Variants in FLI1 observed in about 807,000 individuals in gnomAD.
FLI1 encodes the protein Friend leukemia integration 1 transcription factor.
Under a neutral mutation model 53.1 loss-of-function variants are expected in FLI1, and 13 were observed. That is an observed-to-expected ratio of 0.24 (90% CI 0.16 to 0.39). FLI1 has a LOEUF of 0.39. Ranked by LOEUF, FLI1 falls within the 10% of genes least tolerant of loss-of-function variation. The pLI is 1.00. For missense variants in FLI1, 424 were observed against 600.5 expected (o/e 0.71, Z 3.07); for synonymous variants, 244 against 236.7 (o/e 1.03, Z -0.28).
chr11:128,711,098 T>C (rs1168928825), intron 1 of FLI1, among the ~76,000 whole-genome samples: 1 of 152,228 alleles, frequency 6.6e-6, no homozygotes, highest in Non-Finnish European at 1.5e-5. Context: ...GAGTGGCTAT[T>C]GAGTATTTGA....
At chr11:128,768,021 T>C (rs908805441) in intron 2 of FLI1, 97 bp from the exon 3 acceptor site, 1 of 1,101,628 alleles carries the variant, frequency 9.1e-7, no homozygotes, top group Non-Finnish European at 1.3e-6. Flanking sequence ...AATGGCTCCA[T>C]GCTCATCATC....
At chr11:128,775,566 T>A (rs560861508) in intron 4 of FLI1, among the ~76,000 whole-genome samples, 1 of 152,330 alleles carries the variant, frequency 6.6e-6, no homozygotes, top group East Asian at 1.9e-4. Flanking sequence ...GGGCTGGCGA[T>A]CGTGTCTGCT....
intron 1 of FLI1, among the ~76,000 whole-genome samples, chr11:128,720,829 G>A (rs938696315): frequency 2.0e-5 from 3 of 152,154 alleles, no homozygotes; most frequent in African/African-American, 4.8e-5. Context: ...AGGGTCAGCC[G>A]GGCTCCTTGT....
At chr11:128,756,110 G>A (rs139785760) in intron 1 of FLI1, among the ~76,000 whole-genome samples, 1 of 152,322 alleles carries the variant, frequency 6.6e-6, no homozygotes, top group Non-Finnish European at 1.5e-5. Context: ...TTTAACAAGT[G>A]CTGTTCACCT....
At chr11:128,803,489 C>A (rs1260762305) in intron 5 of FLI1, among the ~76,000 whole-genome samples, 1 of 152,188 alleles carries the variant, frequency 6.6e-6, no homozygotes, top group East Asian at 1.9e-4. Flanking sequence ...CTACCTGATG[C>A]ACTCTCCCCT....
At chr11:128,760,144 G>T (rs144484004) in intron 2 of FLI1, among the ~76,000 whole-genome samples, 1 of 152,162 alleles carries the variant, frequency 6.6e-6, no homozygotes, top group Non-Finnish European at 1.5e-5. Flanking sequence ...CCTAACAGTC[G>T]AAGGACATGG....
intron 5 of FLI1, chr11:128,803,818 A>G (rs1942701195): frequency 6.6e-6 from 1 of 152,252 alleles, no homozygotes; most frequent in Admixed American, 6.5e-5. Context: ...GAAAATGCCC[A>G]TCAGAGCCTT....
At chr11:128,759,255 C>T (rs1036332547) in intron 2 of FLI1, among the ~76,000 whole-genome samples, 1 of 152,110 alleles carries the variant, frequency 6.6e-6, no homozygotes. Flanking sequence ...AACAGAGGGC[C>T]CTGAATGGCA....
Position 128,810,896 on chromosome 11 carries a change from T to C in FLI1, c.1267T>C (p.Trp423Arg), listed in dbSNP as rs1243527409. Reference protein sequence around the residue: ...SSFFGAASQYWTSPTGGIYPN... With the variant: ...SSFFGAASQYRTSPTGGIYPN... ...CTTCTTTGGAGCCGCATCACAATAC[T>C]GGACCTCCCCCACGGGGGGAATCTA... is the stretch of plus-strand genomic sequence containing the variant. The change falls in exon 9 of 9, where the codon TGG (tryptophan) becomes CGG (arginine). Residue 423 changes from tryptophan (W) to arginine (R), a missense_variant. This residue lies in a region of FLI1 where 87 missense variants were observed against 100.0 expected (regional missense o/e 0.87). Transcript: ENST00000527786. The surrounding 1 kb of genome is among the most constrained non-coding windows in gnomAD (Gnocchi z 6.6). 1 of 1,613,928 alleles carries C rather than the reference T, an allele frequency of 6.2e-7. No homozygotes were observed. Among genetic ancestry groups the C allele is most frequent in the Non-Finnish European group, 8.5e-7 (1 of 1,179,902 alleles).
rs1940976560 is a variant in FLI1 at position 128,758,337 on chromosome 11, C to T, written c.230+11C>T. On this transcript the variant is annotated intron_variant, in intron 2 of 8. Transcript: ENST00000527786. ...CATGAATGGATCCAGGTAAGCTCAC[C>T]AGGCCTGTGCAGGATTGGGGGAAGG... The T allele has an allele frequency of 6.2e-7, 1 of 1,607,606 alleles. No individual in the cohort carries two copies. The highest frequency in any genetic ancestry group is 8.5e-7 in the Non-Finnish European group (1 of 1,175,686).
At chr11:128,802,625 T>C (rs1942666067) in intron 5 of FLI1, among the ~76,000 whole-genome samples, 1 of 152,256 alleles carries the variant, frequency 6.6e-6, no homozygotes, top group Non-Finnish European at 1.5e-5. Flanking sequence ...TAGCATTGAT[T>C]GGGACTTCCA....
At chr11:128,718,784 G>A (rs905621091) in intron 1 of FLI1, among the ~76,000 whole-genome samples, 3 of 152,104 alleles carry the variant, frequency 2.0e-5, no homozygotes, top group Non-Finnish European at 4.4e-5. Context: ...AATAGCAGTC[G>A]ACTGTGTTAT....
At chr11:128,762,105 A>C (rs1941143500) in intron 2 of FLI1, among the ~76,000 whole-genome samples, 2 of 152,208 alleles carry the variant, frequency 1.3e-5, no homozygotes, top group Admixed American at 6.5e-5. Flanking sequence ...TTACAGTGGA[A>C]CCATGTCAGA....
At chr11:128,717,892 T>G (rs1022060563) in intron 1 of FLI1, among the ~76,000 whole-genome samples, 2 of 152,226 alleles carry the variant, frequency 1.3e-5, no homozygotes, top group Non-Finnish European at 2.9e-5. Flanking sequence ...AGTCCCTGAA[T>G]AGAGGAGCTC....
At chr11:128,727,552 T>G (rs1939534067) in intron 1 of FLI1, among the ~76,000 whole-genome samples, 1 of 152,188 alleles carries the variant, frequency 6.6e-6, no homozygotes, top group African/African-American at 2.4e-5. Flanking sequence ...CGGAAAGGGC[T>G]GATGTATCAG....
intron 5 of FLI1, among the ~76,000 whole-genome samples, chr11:128,790,370 T>C (rs1017232755): frequency 4.6e-5 from 7 of 151,106 alleles, no homozygotes; most frequent in African/African-American, 1.7e-4. Context: ...GCGAGAGAAC[T>C]GGAAACAAAG....
At chr11:128,801,685 C>G (rs1034302760) in intron 5 of FLI1, among the ~76,000 whole-genome samples, 1 of 152,178 alleles carries the variant, frequency 6.6e-6, no homozygotes, top group Non-Finnish European at 1.5e-5. Flanking sequence ...ACTGGGTTCT[C>G]TTCAGCTAGT....
chr11:128,807,024 T>G, intron 6 of FLI1, 156 bp from the exon 7 acceptor site: 1 of 432,810 alleles, frequency 2.3e-6, no homozygotes, highest in Non-Finnish European at 4.1e-6. Flanking sequence ...GGCCAGCACA[T>G]AGTAGATTCT....
chr11:128,685,738 G>A (rs1041132906), upstream of FLI1, among the ~76,000 whole-genome samples: 5 of 148,568 alleles, frequency 3.4e-5, no homozygotes, highest in Admixed American at 2.7e-4. Context: ...AAAAAAAGCT[G>A]GAATTTGTTA....
Sources: allele counts gnomAD v4.1 joint callset (sites outside exome capture counted in the v4.1 genomes callset), GRCh38; gene constraint gnomAD v4.1.1; regional missense constraint gnomAD v4.1.1; non-coding constraint Gnocchi (gnomAD v3.1); transcripts MANE v1.5; gene names NCBI Gene and HGNC (gene_info 2026-07-23, HGNC 2026-07-21).